Variants in GABPB2 observed in about 807,000 individuals in gnomAD.
GABPB2 encodes GA binding protein transcription factor subunit beta 2.
A neutral mutation model predicts 39.1 loss-of-function variants in GABPB2; 23 were observed. That is an observed-to-expected ratio of 0.59 (90% CI 0.42 to 0.83). The LOEUF (loss-of-function observed/expected upper bound fraction) is 0.83, where lower values mean the gene tolerates loss of function less well. Among genes scored for constraint, GABPB2 ranks in the 40% least tolerant of loss-of-function variants. GABPB2 has a pLI of 0.00. For missense variants in GABPB2, 467 were observed against 541.1 expected (o/e 0.86, Z 1.36); for synonymous variants, 184 against 199.3 (o/e 0.92, Z 0.65).
In GABPB2 at chr1:151,120,765, T is replaced by C. The variant is rs886199990; in HGVS notation, c.*2509T>C. ...AAGCTCAGTCTCTCTTTTTTTTTTT[T>C]TTTTTTTTGAGACGGAGTCTTGCTC... On this transcript the variant is annotated 3_prime_UTR_variant, in exon 9 of 9. Transcript: ENST00000368918. The C allele has an allele frequency of 6.6e-6, 1 of 150,418 alleles. No homozygotes were observed. Among genetic ancestry groups the C allele is most frequent in the African/African-American group, 2.4e-5 (1 of 41,020 alleles). 9.3% of individuals were successfully genotyped at this position (150,418 alleles called of 1,614,324 possible).
intron 4 of GABPB2, among the ~76,000 whole-genome samples, chr1:151,094,981 G>T (rs1678998982): frequency 6.9e-6 from 1 of 145,422 alleles, no homozygotes; most frequent in Non-Finnish European, 1.5e-5. Context: ...CTGCACTTGA[G>T]CCTGGGTGAC....
At chr1:151,106,435 T>G (rs1294719354) in intron 6 of GABPB2, among the ~76,000 whole-genome samples, 2 of 152,284 alleles carry the variant, frequency 1.3e-5, no homozygotes, top group South Asian at 4.1e-4. Flanking sequence ...CCTCCCAGGC[T>G]CAAGCGATTC....
intron 4 of GABPB2, among the ~76,000 whole-genome samples, chr1:151,096,101 T>G (rs1315239170): frequency 6.6e-6 from 1 of 151,254 alleles, no homozygotes; most frequent in Non-Finnish European, 1.5e-5. Context: ...TTTGAAGCTC[T>G]TAGTCAAGGG....
intron 3 of GABPB2, among the ~76,000 whole-genome samples, chr1:151,091,392 T>C (rs2101493062): frequency 6.7e-6 from 1 of 150,216 alleles, no homozygotes; most frequent in South Asian, 2.1e-4. Context: ...CTGACTGTTT[T>C]CTAATTTATT....
chr1:151,084,113 G>A (rs987702822), intron 1 of GABPB2, among the ~76,000 whole-genome samples: 9 of 151,108 alleles, frequency 6.0e-5, no homozygotes, highest in Admixed American at 3.3e-4. Flanking sequence ...TGTGTTGCCC[G>A]GGGTAGTCGG....
rs1681253825 is a variant in GABPB2, at chr1:151,123,525, G to A, written c.*5269G>A. ...GATCAGAATTGGTGCTTGAGCAAGA[G>A]AAACTTCGAGCTTAGGATGGTTGTC... On this transcript the variant is annotated 3_prime_UTR_variant, in exon 9 of 9. Transcript: ENST00000368918. 6.6e-6 allele frequency: 1 copy of A among 151,384 alleles called. No homozygotes were observed. The highest frequency in any genetic ancestry group is 1.5e-5 in the Non-Finnish European group (1 of 67,922). The allele number at this position is 151,384 out of a possible 1,614,324, so 9.4% of individuals were successfully genotyped here.
intron 4 of GABPB2, among the ~76,000 whole-genome samples, chr1:151,095,508 A>T (rs898187062): frequency 6.6e-6 from 1 of 152,204 alleles, no homozygotes; most frequent in Admixed American, 6.6e-5. Context: ...ATGCTAAATA[A>T]CTATACGGTG....
intron 7 of GABPB2, among the ~76,000 whole-genome samples, chr1:151,108,154 G>A (rs1332645466): frequency 6.6e-6 from 1 of 152,074 alleles, no homozygotes; most frequent in African/African-American, 2.4e-5. Context: ...ACATAAAGAT[G>A]TACCTTTGGG....
rs1681117199 is a variant in GABPB2, at chr1:151,119,914, CTG to C, written c.*1660_*1661del. 6.8e-6 allele frequency: 1 copy of C among 146,682 alleles called. No homozygotes were observed. 9.1% of individuals were successfully genotyped at this position (146,682 alleles called of 1,614,324 possible). A position where few individuals can be genotyped will look rare whatever the true frequency, so the allele number is the denominator to read the frequency against. On this transcript the variant is annotated 3_prime_UTR_variant, in exon 9 of 9. Transcript: ENST00000368918. Reference sequence around the variant, plus strand: ...CCAGCCTGGGCAACAGAGCCAGACTCTGTCTCAAAAAAAAAAAAAAAGGAAAT... The same window carrying C: ...CCAGCCTGGGCAACAGAGCCAGACTCTCTCAAAAAAAAAAAAAAAGGAAAT...
intron 1 of GABPB2, among the ~76,000 whole-genome samples, chr1:151,084,389 A>AT (rs1243788092): frequency 6.1e-5 from 9 of 148,632 alleles, no homozygotes; most frequent in Non-Finnish European, 1.0e-4. Flanking sequence ...TGCCCGGCTA[A>AT]TTTTTTTTGT....
chr1:151,117,553 C>T, intron 8 of GABPB2, 37 bp downstream of exon 8: 1 of 1,605,574 alleles, frequency 6.2e-7, no homozygotes. Flanking sequence ...AATTTAAAGC[C>T]TTAATTATTA....
Position 151,093,616 on chromosome 1 carries a change from A to T in GABPB2, c.471+230A>T, listed in dbSNP as rs587767144. Among the ~76,000 whole-genome samples the T allele has an allele frequency of 1.3e-4, 20 of 148,812 alleles. No homozygotes were observed. In the South Asian group the frequency reaches 1.5e-3, roughly 11 times the overall value. ...TATATTTTTTATATTTTTTATATAT[A>T]TTTTTTAATATATATATTCTATAAA... On this transcript the variant is annotated intron_variant, in intron 4 of 8. Transcript: ENST00000368918.
intron 1 of GABPB2, chr1:151,073,138 C>T (rs1676865803): frequency 1.3e-5 from 2 of 152,144 alleles, no homozygotes; most frequent in Admixed American, 1.3e-4. Flanking sequence ...CCTTAGCCTC[C>T]TGAATAGCTA....
Position 151,124,448 on chromosome 1 carries a change from CTTT to C in GABPB2, c.*6207_*6209del, listed in dbSNP as rs587618305. 3.7e-5 allele frequency: 5 copies of C among 133,432 alleles called. No homozygotes were observed. Among genetic ancestry groups the C allele is most frequent in the Non-Finnish European group, 6.5e-5 (4 of 61,484 alleles). The allele number at this position is 133,432 out of a possible 1,614,324, so 8.3% of individuals were successfully genotyped here. A position where few individuals can be genotyped will look rare whatever the true frequency, so the allele number is the denominator to read the frequency against. ...AGGTGTGAGCCACCACGCCCAGCCT[CTTT>C]TTTTTTTTTTTTTTCTCACCAGTAT... is the stretch of plus-strand genomic sequence containing the variant. On this transcript the variant is annotated 3_prime_UTR_variant, in exon 9 of 9. Coordinates refer to ENST00000368918, the MANE Select transcript of GABPB2 (RefSeq NM_144618.3).
In GABPB2 at chr1:151,087,146, C is replaced by T. The variant is rs587597405; in HGVS notation, c.1-1044C>T. Among the ~76,000 whole-genome samples the T allele has an allele frequency of 3.3e-5, 5 of 151,958 alleles. No homozygotes were observed. In the East Asian group the frequency reaches 7.9e-4, roughly 24 times the overall value. ...CTGGGATTACAGGCGTGAGCCACCG[C>T]GCCCAGCCAATTTTTGTATTTTTTG... is the stretch of plus-strand genomic sequence containing the variant. On this transcript the variant is annotated intron_variant, in intron 1 of 8. Coordinates refer to ENST00000368918, the MANE Select transcript of GABPB2 (RefSeq NM_144618.3).
chr1:151,077,695 G>C (rs1677296296), intron 1 of GABPB2, among the ~76,000 whole-genome samples: 1 of 151,644 alleles, frequency 6.6e-6, no homozygotes, highest in Non-Finnish European at 1.5e-5. Context: ...GCTCACGCCT[G>C]TAATCCCAGC....
At chr1:151,114,190 A>T (rs1680679981) in intron 7 of GABPB2, among the ~76,000 whole-genome samples, 1 of 151,124 alleles carries the variant, frequency 6.6e-6, no homozygotes, top group Non-Finnish European at 1.5e-5. Context: ...AAAAAAAAAT[A>T]CAAAAAAAAA....
intron 7 of GABPB2, 73 bp downstream of exon 7, chr1:151,107,295 C>A: frequency 5.4e-5 from 51 of 938,160 alleles, no homozygotes; most frequent in Admixed American, 1.2e-4. Flanking sequence ...AAAAATGAGG[C>A]ATTAAGACAA....
At chr1:151,103,814 T>C (rs1012581093) in intron 6 of GABPB2, 139 bp downstream of exon 6, 1 of 604,912 alleles carries the variant, frequency 1.7e-6, no homozygotes, top group Non-Finnish European at 2.9e-6. Flanking sequence ...TGTGGCATCA[T>C]TGAACATCAG....
Sources: allele counts gnomAD v4.1 joint callset (sites outside exome capture counted in the v4.1 genomes callset), GRCh38; gene constraint gnomAD v4.1.1; transcripts MANE v1.5; gene names NCBI Gene and HGNC (gene_info 2026-07-23, HGNC 2026-07-21).